Variants in EIF4G3 observed in about 807,000 individuals in gnomAD.
EIF4G3 encodes the protein eIF-4-gamma 3.
A neutral mutation model predicts 186.4 loss-of-function variants in EIF4G3; 34 were observed. That is an observed-to-expected ratio of 0.18 (90% CI 0.14 to 0.24). EIF4G3 has a LOEUF of 0.24. Among genes scored for constraint, EIF4G3 ranks in the 10% least tolerant of loss-of-function variants. The pLI is 1.00. For synonymous variants in EIF4G3, 673 were observed against 679.5 expected, an observed-to-expected ratio of 0.99 and a Z score of 0.15; for missense variants, 1,536 against 1,948.5, an observed-to-expected ratio of 0.79 and a Z score of 3.99.
chr1:21,053,302 C>T (rs1294741448), intron 3 of EIF4G3, among the ~76,000 whole-genome samples: 192 of 151,476 alleles, frequency 1.3e-3, no homozygotes, highest in African/African-American at 4.6e-3. Context: ...CCCCTCCGCC[C>T]GGCAGCCACT....
rs781462125 is a variant in EIF4G3, at chr1:20,886,336, G to A, written c.2289C>T (p.Gly763=). Residue 763 remains glycine (G), a synonymous_variant, in exon 19 of 37, where the codon GGC becomes GGT. Coordinates refer to ENST00000602326, the MANE Select transcript of EIF4G3 (RefSeq NM_001391906.1). ...LNVGSRRSQP[G]QRREPRKIIT... ...TGATCTTTCTGGGTTCTCTTCTTTG[G>A]CCAGGTTGAGATCTTCGTGACCCAA... 1.2e-6 allele frequency: 2 copies of A among 1,613,678 alleles called. No homozygotes were observed. The highest frequency in any genetic ancestry group is 1.7e-6 in the Non-Finnish European group (2 of 1,179,866).
chr1:21,096,531 T>C (rs2096375056), intron 2 of EIF4G3, among the ~76,000 whole-genome samples: 1 of 152,206 alleles, frequency 6.6e-6, no homozygotes, highest in African/African-American at 2.4e-5. Flanking sequence ...AATTGCCCAC[T>C]GTGAAGAAAT....
At chr1:21,001,004 C>A (rs2083397105) in intron 6 of EIF4G3, among the ~76,000 whole-genome samples, 195 bp downstream of exon 6, 1 of 152,134 alleles carries the variant, frequency 6.6e-6, no homozygotes. Context: ...GACTAATTCC[C>A]AATAGAGAAC....
At chr1:20,813,098 T>C in intron 35 of EIF4G3, 60 bp downstream of exon 35, 1 of 1,158,640 alleles carries the variant, frequency 8.6e-7, no homozygotes, top group Non-Finnish European at 1.3e-6. Flanking sequence ...ACTGTATACT[T>C]AGTAGTTGAC....
At chr1:21,065,608 G>A (rs1428804898) in intron 3 of EIF4G3, among the ~76,000 whole-genome samples, 1 of 151,792 alleles carries the variant, frequency 6.6e-6, no homozygotes, top group Non-Finnish European at 1.5e-5. Context: ...ATGAGAATGG[G>A]TTTTGGTGTC....
At chr1:21,161,354 T>C (rs1358866622) in intron 2 of EIF4G3, 1 of 150,384 alleles carries the variant, frequency 6.6e-6, no homozygotes, top group East Asian at 2.0e-4. Flanking sequence ...AAATACAAAA[T>C]TAGCAGGGCG....
At chr1:20,976,646 T>C (rs1411105615) in intron 10 of EIF4G3, among the ~76,000 whole-genome samples, 4 of 152,230 alleles carry the variant, frequency 2.6e-5, no homozygotes, top group Non-Finnish European at 4.4e-5. Context: ...AGAAACTGAA[T>C]GGCAGGAAGA....
At chr1:20,918,278 C>T (rs1168748506) in intron 14 of EIF4G3, among the ~76,000 whole-genome samples, 2 of 152,164 alleles carry the variant, frequency 1.3e-5, no homozygotes, top group African/African-American at 2.4e-5. Flanking sequence ...GGCGCAGTCA[C>T]GGCTCACTAC....
intron 12 of EIF4G3, among the ~76,000 whole-genome samples, chr1:20,962,906 TTG>T (rs1310855090): frequency 1.7e-5 from 2 of 119,304 alleles, no homozygotes; most frequent in African/African-American, 5.9e-5. Flanking sequence ...TCTTGTAGTT[TTG>T]TTTTTTTTTT....
At chr1:21,012,858 C>G (rs1436679201) in intron 4 of EIF4G3, among the ~76,000 whole-genome samples, 2 of 152,064 alleles carry the variant, frequency 1.3e-5, no homozygotes, top group Non-Finnish European at 2.9e-5. Flanking sequence ...AAGTGGCACG[C>G]CGCTGTAAAT....
At chr1:20,997,913 TA>T (rs2082636039) in intron 6 of EIF4G3, among the ~76,000 whole-genome samples, 1 of 128,062 alleles carries the variant, frequency 7.8e-6, no homozygotes, top group South Asian at 2.3e-4. Context: ...CTGATAGGAT[TA>T]TTTAAAAAAA....
In EIF4G3 at chr1:20,895,517, T is replaced by C. The variant is rs201747374; in HGVS notation, c.2000-16A>G. The C allele has an allele frequency of 1.8e-4, 284 of 1,612,920 alleles. 1 individual carries two copies. The highest frequency in any genetic ancestry group is 4.9e-4 in the Middle Eastern group (3 of 6,076). On this transcript the variant is annotated splice_polypyrimidine_tract_variant and intron_variant, in intron 16 of 36. Transcript: ENST00000602326. ...TTCCAGGATTCTAGAAAGAGGAATA[T>C]AGGCAGACACTGTTTGTAGGGCATT...
intron 32 of EIF4G3, among the ~76,000 whole-genome samples, chr1:20,825,612 G>C (rs970177638): frequency 5.9e-5 from 9 of 152,326 alleles, no homozygotes; most frequent in African/African-American, 1.9e-4. Flanking sequence ...GGGAGCTACA[G>C]CTGGTTATTT....
In EIF4G3 at chr1:20,916,727, T is replaced by A. The variant is rs113165443; in HGVS notation, c.1664-11756A>T. On this transcript the variant is annotated intron_variant, in intron 14 of 36. Transcript: ENST00000602326. ...TAAGACTTATTACAAAGCTTCTTTATCACGACCGTGTGGTATGAGCAACAA... is the reference window on the plus strand; with the variant it reads ...TAAGACTTATTACAAAGCTTCTTTAACACGACCGTGTGGTATGAGCAACAA... 4.2e-3 allele frequency among the ~76,000 whole-genome samples: 637 copies of A among 152,316 alleles called. 8 individuals carry two copies. The highest frequency in any genetic ancestry group is 0.014 in the African/African-American group (598 of 41,558).
chr1:21,067,706 T>C (rs2095297069), intron 3 of EIF4G3, among the ~76,000 whole-genome samples: 1 of 152,110 alleles, frequency 6.6e-6, no homozygotes. Flanking sequence ...AAAGTCGAAG[T>C]TGAGCTATTT....
chr1:21,014,123 C>G (rs1339779261), intron 4 of EIF4G3, among the ~76,000 whole-genome samples: 1 of 152,130 alleles, frequency 6.6e-6, no homozygotes, highest in Non-Finnish European at 1.5e-5. Flanking sequence ...GAGCCGAGAT[C>G]ATGCCACTGC....
chr1:20,911,440 T>C (rs2154558248), intron 14 of EIF4G3, among the ~76,000 whole-genome samples: 1 of 151,266 alleles, frequency 6.6e-6, no homozygotes, highest in South Asian at 2.1e-4. Context: ...TACAAGCTTG[T>C]CATCCCAGCT....
chr1:21,015,495 G>T (rs1233288102), intron 4 of EIF4G3, among the ~76,000 whole-genome samples: 1 of 152,122 alleles, frequency 6.6e-6, no homozygotes, highest in African/African-American at 2.4e-5. Flanking sequence ...GTAAAAGACA[G>T]GCTAGGTACA....
chr1:21,112,025 C>T (rs2096735281), intron 2 of EIF4G3, among the ~76,000 whole-genome samples: 1 of 152,120 alleles, frequency 6.6e-6, no homozygotes, highest in African/African-American at 2.4e-5. Context: ...ACCATGCCAG[C>T]TATGAAGGAA....
Sources: allele counts gnomAD v4.1 joint callset (sites outside exome capture counted in the v4.1 genomes callset), GRCh38; gene constraint gnomAD v4.1.1; transcripts MANE v1.5; gene names NCBI Gene and HGNC (gene_info 2026-07-23, HGNC 2026-07-21).